FAM120C: variants seen among roughly 807,000 people sequenced by gnomAD.
The protein encoded by FAM120C is constitutive coactivator of PPAR-gamma-like protein 2.
Under a neutral mutation model 71.2 loss-of-function variants are expected in FAM120C, and 14 were observed. That is an observed-to-expected ratio of 0.20 (90% CI 0.13 to 0.31). FAM120C has a LOEUF of 0.31. FAM120C is among the 10% of genes least tolerant of loss of function. FAM120C has a pLI of 1.00. For synonymous variants in FAM120C, 354 were observed against 353.2 expected, an observed-to-expected ratio of 1.00 and a Z score of -0.03; for missense variants, 500 against 879.0, an observed-to-expected ratio of 0.57 and a Z score of 5.45.
chrX:54,182,869 G>GGGCGGCGGC lies in FAM120C; in HGVS notation c.321_329dup (p.Pro109_Pro111dup), dbSNP rs781789688. 1.9e-5 allele frequency: 21 copies of GGGCGGCGGC among 1,132,857 alleles called. No homozygotes were observed. Among genetic ancestry groups the GGGCGGCGGC allele is most frequent in the Admixed American group, 6.1e-5 (2 of 32,753 alleles). 93.4% of individuals were successfully genotyped at this position (1,132,857 alleles called of 1,213,427 possible). On this transcript the variant is annotated inframe_insertion, in exon 1 of 16. Coordinates refer to ENST00000375180, the MANE Select transcript of FAM120C (RefSeq NM_017848.6). ...GCACCCGGGCCCCGGGCAGCTGAGGGGGCGGCGGCGGCGGCAGCGGAGGGT... is the reference window on the plus strand; with the variant it reads ...GCACCCGGGCCCCGGGCAGCTGAGGGGGCGGCGGCGGCGGCGGCGGCGGCAGCGGAGGGT...
intron 5 of FAM120C, among the ~76,000 whole-genome samples, chrX:54,136,280 G>A (rs1367033445): frequency 4.5e-5 from 5 of 111,970 alleles, no homozygotes; most frequent in African/African-American, 1.3e-4. Context: ...GATTATAGGC[G>A]TGAGCCACTG....
intron 11 of FAM120C, among the ~76,000 whole-genome samples, chrX:54,090,536 C>T (rs1481103163): frequency 9.1e-6 from 1 of 110,279 alleles, no homozygotes; most frequent in Non-Finnish European, 1.9e-5. Flanking sequence ...CTTACGTGCC[C>T]TCTCTCACCA....
intron 15 of FAM120C, among the ~76,000 whole-genome samples, chrX:54,073,620 T>C (rs1557120315): frequency 9.2e-6 from 1 of 109,190 alleles, no homozygotes; most frequent in African/African-American, 3.3e-5. Context: ...TTAGTAGAGA[T>C]GGGGTTTCCT....
At chrX:54,118,699 CTTTTTTTTTTTT>C (rs1187381929) in intron 9 of FAM120C, among the ~76,000 whole-genome samples, 1 of 31,721 alleles carries the variant, frequency 3.2e-5, no homozygotes, top group African/African-American at 1.4e-4. Context: ...TTCTTTTTTT[CTTTTTTTTTTTT>C]TTTTTTTTTT....
chrX:54,136,943 T>TTTATTA (rs200501762), intron 4 of FAM120C, among the ~76,000 whole-genome samples: 12 of 107,695 alleles, frequency 1.1e-4, no homozygotes, highest in East Asian at 2.9e-4. Flanking sequence ...ATTTTATTAT[T>TTTATTA]TTATTATTAT....
At chrX:54,136,927 GTTTTAA>G (rs1287237471) in intron 4 of FAM120C, among the ~76,000 whole-genome samples, 2 of 108,548 alleles carry the variant, frequency 1.8e-5, no homozygotes, top group Non-Finnish European at 3.8e-5. Flanking sequence ...CTTACAGTAT[GTTTTAA>G]TTTTATTATT....
intron 4 of FAM120C, among the ~76,000 whole-genome samples, chrX:54,145,467 TCAAA>T (rs1383667868): frequency 1.8e-5 from 2 of 110,930 alleles, no homozygotes; most frequent in Admixed American, 1.9e-4. Flanking sequence ...AAGAAAAAAA[TCAAA>T]CAACCCCATC....
intron 12 of FAM120C, among the ~76,000 whole-genome samples, chrX:54,087,182 G>A (rs1456347157): frequency 9.1e-6 from 1 of 109,408 alleles, no homozygotes; most frequent in African/African-American, 3.3e-5. Context: ...GCCTGGTGGT[G>A]CATGCCTGTA....
intron 15 of FAM120C, among the ~76,000 whole-genome samples, chrX:54,078,632 C>T (rs2066748474): frequency 9.0e-6 from 1 of 111,598 alleles, no homozygotes; most frequent in South Asian, 3.7e-4. Context: ...GGATTGAGAA[C>T]TGATGACAAA....
At chrX:54,085,652 TG>T in intron 13 of FAM120C, 62 bp downstream of exon 13, 2 of 1,018,525 alleles carry the variant, frequency 2.0e-6, no homozygotes, top group South Asian at 2.0e-5. Flanking sequence ...TTGACAATAA[TG>T]ACTGGATAGA....
At chrX:54,099,188 G>T (rs1487921142) in intron 10 of FAM120C, among the ~76,000 whole-genome samples, 1 of 108,926 alleles carries the variant, frequency 9.2e-6, no homozygotes, top group African/African-American at 3.3e-5. Flanking sequence ...GCTTTTTAAA[G>T]ATTTTTTTGT....
chrX:54,138,064 A>G lies in FAM120C; in HGVS notation c.1159-1474T>C, dbSNP rs190971853. Among the ~76,000 whole-genome samples the G allele has an allele frequency of 3.6e-5, 4 of 112,066 alleles. No individual in the cohort carries two copies. The Admixed American group carries it at 3.8e-4, about 11-fold the overall frequency. On this transcript the variant is annotated intron_variant, in intron 4 of 15. Coordinates refer to ENST00000375180, the MANE Select transcript of FAM120C (RefSeq NM_017848.6). The stretch of plus-strand genomic sequence containing the variant: ...CCCAAACTGGAAACAACTCAAATAT[A>G]TATCAATGGAAGAATAAATAAATTG...
At chrX:54,182,255 G>T (rs1487866317) in intron 1 of FAM120C, among the ~76,000 whole-genome samples, 3 of 111,173 alleles carry the variant, frequency 2.7e-5, no homozygotes, top group African/African-American at 9.8e-5. Flanking sequence ...GCTAAAGGGA[G>T]CTACTGGGAT....
In FAM120C at chrX:54,172,081, TA is replaced by T. The variant is rs1388997571; in HGVS notation, c.699+10418del. On this transcript the variant is annotated intron_variant, in intron 1 of 15. Coordinates refer to ENST00000375180, the MANE Select transcript of FAM120C (RefSeq NM_017848.6). ...TTGCCAAATGAGTTTCCCAAAGGCATAATTTTGCTAGGAACAAGCAAGTACA... is the reference window on the plus strand; with the variant it reads ...TTGCCAAATGAGTTTCCCAAAGGCATATTTTGCTAGGAACAAGCAAGTACA... Among the ~76,000 whole-genome samples the T allele has an allele frequency of 2.7e-5, 3 of 112,617 alleles. No individual in the cohort carries two copies. The Admixed American group carries it at 2.8e-4, about 11-fold the overall frequency.
intron 9 of FAM120C, among the ~76,000 whole-genome samples, chrX:54,131,830 C>T (rs1173641340): frequency 9.2e-6 from 1 of 108,168 alleles, no homozygotes; most frequent in African/African-American, 3.5e-5. Flanking sequence ...GGAGCAATCT[C>T]GGCTCACTGC....
chrX:54,110,587 A>G (rs1466737895), intron 10 of FAM120C, among the ~76,000 whole-genome samples: 1 of 110,929 alleles, frequency 9.0e-6, no homozygotes, highest in East Asian at 2.8e-4. Flanking sequence ...ATTTTTCTAT[A>G]TATATGAAAT....
chrX:54,116,492 T>C, intron 10 of FAM120C, 53 bp downstream of exon 10: 1 of 1,151,023 alleles, frequency 8.7e-7, no homozygotes, highest in Non-Finnish European at 1.2e-6. Context: ...TTAAAGGAAA[T>C]ATAAAAAAAG....
chrX:54,182,443 T>G, intron 1 of FAM120C, 57 bp downstream of exon 1: 1 of 1,121,161 alleles, frequency 8.9e-7, no homozygotes, highest in Non-Finnish European at 1.2e-6. Flanking sequence ...GGTTAGGTAT[T>G]TAGTTGGGAG....
At chrX:54,125,108 C>G (rs1426877978) in intron 9 of FAM120C, among the ~76,000 whole-genome samples, 1 of 108,936 alleles carries the variant, frequency 9.2e-6, no homozygotes. Flanking sequence ...CCAGTTGAGG[C>G]TGAGGCAGGA....
Sources: gnomAD v4.1 joint callset for allele counts (sites outside exome capture counted in the v4.1 genomes callset) on GRCh38, gnomAD v4.1.1 for gene constraint, MANE v1.5 for transcripts, NCBI Gene and HGNC (gene_info 2026-07-23, HGNC 2026-07-21) for gene names.